The following SELENOI variants were observed in gnomAD, a reference collection of about 807,000 sequenced individuals.
The protein encoded by SELENOI is selenoprotein I, also known as ethanolaminephosphotransferase 1.
A neutral mutation model predicts 50.7 loss-of-function variants in SELENOI; 24 were observed. That is an observed-to-expected ratio of 0.47 (90% CI 0.34 to 0.67). SELENOI has a LOEUF of 0.67. SELENOI is among the 30% of genes least tolerant of loss of function. The pLI is 0.01. For synonymous variants in SELENOI, 155 were observed against 170.2 expected, an observed-to-expected ratio of 0.91 and a Z score of 0.70; for missense variants, 352 against 461.4, an observed-to-expected ratio of 0.76 and a Z score of 2.17.
chr2:26,376,444 C>A (rs1019641415), intron 6 of SELENOI, among the ~76,000 whole-genome samples: 2 of 152,184 alleles, frequency 1.3e-5, no homozygotes, highest in African/African-American at 4.8e-5. Context: ...AAGACAGAAT[C>A]CTCTGGTATA....
At chr2:26,376,726 A>G (rs1677575040) in intron 6 of SELENOI, among the ~76,000 whole-genome samples, 1 of 152,148 alleles carries the variant, frequency 6.6e-6, no homozygotes, top group South Asian at 2.1e-4. Flanking sequence ...AGTTTGAAGG[A>G]CTTCCTTTAG....
chr2:26,364,754 T>A, intron 2 of SELENOI, 78 bp from the exon 3 acceptor site: 1 of 977,318 alleles, frequency 1.0e-6, no homozygotes, highest in African/African-American at 1.7e-5. Flanking sequence ...TTATTATGAC[T>A]TCAGTTTGCA....
chr2:26,373,038 A>T (rs1677491973), intron 4 of SELENOI, among the ~76,000 whole-genome samples: 1 of 152,168 alleles, frequency 6.6e-6, no homozygotes, highest in South Asian at 2.1e-4. Flanking sequence ...ACAGGTGCGC[A>T]CCACCATGCG....
intron 6 of SELENOI, 35 bp from the exon 7 acceptor site, chr2:26,383,264 A>C (rs1284901374): frequency 6.8e-7 from 1 of 1,467,294 alleles, no homozygotes. Flanking sequence ...ATTGCTCTTG[A>C]ATAAGCATAA....
At position 26,389,485 on chromosome 2, in the gene SELENOI, T is replaced by A. The variant is rs1677916579; in HGVS notation, c.*382T>A. The A allele has an allele frequency of 6.2e-6, 1 of 161,210 alleles. No homozygotes were observed. Among genetic ancestry groups the A allele is most frequent in the Admixed American group, 6.1e-5 (1 of 16,380 alleles). 10.0% of individuals were successfully genotyped at this position (161,210 alleles called of 1,614,324 possible). A position where few individuals can be genotyped will look rare whatever the true frequency, so the allele number is the denominator to read the frequency against. Reference sequence around the variant, plus strand: ...CTCAGAAAACCACAGTGTGTTTTCATATTTGGAACTTTGTAATAGCGGGAG... The same window carrying A: ...CTCAGAAAACCACAGTGTGTTTTCAAATTTGGAACTTTGTAATAGCGGGAG... On this transcript the variant is annotated 3_prime_UTR_variant, in exon 10 of 10. Coordinates refer to ENST00000260585, the MANE Select transcript of SELENOI (RefSeq NM_033505.4).
chr2:26,385,280 C>T, intron 8 of SELENOI, 141 bp downstream of exon 8: 1 of 536,554 alleles, frequency 1.9e-6, no homozygotes, highest in Non-Finnish European at 2.9e-6. Context: ...GAATAGTAAC[C>T]TCAAAGACTG....
intron 1 of SELENOI, among the ~76,000 whole-genome samples, chr2:26,361,010 C>T (rs1677164713): frequency 1.3e-5 from 2 of 152,206 alleles, no homozygotes; most frequent in South Asian, 2.1e-4. Context: ...GTCAGGAGAT[C>T]GAGACCATCC....
intron 9 of SELENOI, among the ~76,000 whole-genome samples, chr2:26,387,597 G>A (rs1320256412): frequency 6.6e-6 from 1 of 151,500 alleles, no homozygotes; most frequent in Admixed American, 6.6e-5. Context: ...TTGGAGGGCT[G>A]AGGTGGGAGG....
chr2:26,381,204 T>C, intron 6 of SELENOI, among the ~76,000 whole-genome samples: 1 of 67,658 alleles, frequency 1.5e-5, no homozygotes, highest in African/African-American at 4.8e-5. Context: ...TGGTCTTTTT[T>C]TTTTTTTTTT....
chr2:26,354,417 C>G (rs535019579), intron 1 of SELENOI, among the ~76,000 whole-genome samples: 1 of 152,162 alleles, frequency 6.6e-6, no homozygotes, highest in South Asian at 2.1e-4. Flanking sequence ...TCGAGACTCT[C>G]GCTCTGTCGC....
intron 1 of SELENOI, among the ~76,000 whole-genome samples, chr2:26,360,897 C>T (rs943802710): frequency 6.6e-6 from 1 of 152,120 alleles, no homozygotes; most frequent in African/African-American, 2.4e-5. Flanking sequence ...GGAGTGATAT[C>T]TATTATGGAA....
intron 9 of SELENOI, among the ~76,000 whole-genome samples, chr2:26,387,429 G>C (rs1677866412): frequency 1.3e-5 from 2 of 152,062 alleles, no homozygotes; most frequent in Admixed American, 1.3e-4. Flanking sequence ...GGTGGCTCAT[G>C]CCTGTAATCC....
chr2:26,362,581 T>A (rs1321667699), intron 1 of SELENOI, among the ~76,000 whole-genome samples: 1 of 151,264 alleles, frequency 6.6e-6, no homozygotes, highest in Non-Finnish European at 1.5e-5. Context: ...GCCAACATGG[T>A]GAAACCCCGT....
At chr2:26,355,746 T>C (rs536406837) in intron 1 of SELENOI, among the ~76,000 whole-genome samples, 219 of 145,608 alleles carry the variant, frequency 1.5e-3, no homozygotes, top group African/African-American at 5.3e-3. Context: ...TCTCTCTCCC[T>C]TTTTTTTTTT....
In SELENOI at chr2:26,384,548, A is replaced by G. The variant is rs542135899; in HGVS notation, c.732-411A>G. On this transcript the variant is annotated intron_variant, in intron 7 of 9. Coordinates refer to ENST00000260585, the MANE Select transcript of SELENOI (RefSeq NM_033505.4). ...TGAGCTGTCTTACTCTAAGTTCTCT[A>G]TCACTTTGTGTCAAAGCCGCACTTT... is the stretch of plus-strand genomic sequence containing the variant. 2.6e-5 allele frequency among the ~76,000 whole-genome samples: 4 copies of G among 152,302 alleles called. No homozygotes were observed. The East Asian group carries it at 7.7e-4, about 29-fold the overall frequency.
At position 26,394,575 on chromosome 2, in the gene SELENOI, T is replaced by A. The variant is rs764980391; in HGVS notation, c.*5472T>A. ...TTCAGGAGATAAAGACCTAGCTACATGTAATGATATGATCATTTCAAAAAT... is the reference window on the plus strand; with the variant it reads ...TTCAGGAGATAAAGACCTAGCTACAAGTAATGATATGATCATTTCAAAAAT... On this transcript the variant is annotated 3_prime_UTR_variant, in exon 10 of 10. Coordinates refer to ENST00000260585, the MANE Select transcript of SELENOI (RefSeq NM_033505.4). The surrounding 1 kb of genome is among the most constrained non-coding windows in gnomAD (Gnocchi z 4.1). 2.0e-5 allele frequency: 3 copies of A among 152,112 alleles called. No homozygotes were observed. The highest frequency in any genetic ancestry group is 2.9e-5 in the Non-Finnish European group (2 of 68,018). The allele number at this position is 152,112 out of a possible 1,614,324, so 9.4% of individuals were successfully genotyped here. A position where few individuals can be genotyped will look rare whatever the true frequency, so the allele number is the denominator to read the frequency against.
At chr2:26,362,830 A>T (rs1461617689) in intron 1 of SELENOI, among the ~76,000 whole-genome samples, 3 of 152,168 alleles carry the variant, frequency 2.0e-5, no homozygotes, top group Non-Finnish European at 4.4e-5. Flanking sequence ...TGGATGAATT[A>T]GGTAATCACC....
chr2:26,371,939 T>C (rs1480489881), intron 4 of SELENOI, among the ~76,000 whole-genome samples: 1 of 152,114 alleles, frequency 6.6e-6, no homozygotes, highest in Non-Finnish European at 1.5e-5. Context: ...TGAAATGACA[T>C]ACTTCTTTAT....
intron 3 of SELENOI, 31 bp downstream of exon 3, chr2:26,364,971 C>A: frequency 6.9e-7 from 1 of 1,447,712 alleles, no homozygotes; most frequent in South Asian, 1.4e-5. Flanking sequence ...TAAAATTTAA[C>A]TGAGTAGAAA....
Sources: allele counts gnomAD v4.1 joint callset (sites outside exome capture counted in the v4.1 genomes callset), GRCh38; gene constraint gnomAD v4.1.1; non-coding constraint Gnocchi (gnomAD v3.1); transcripts MANE v1.5; gene names NCBI Gene and HGNC (gene_info 2026-07-23, HGNC 2026-07-21).